Variants in ACAD10 observed in about 807,000 individuals in gnomAD.
The protein encoded by ACAD10 is acyl-CoA dehydrogenase family member 10, also known as ACAD-10.
A neutral mutation model predicts 116.8 loss-of-function variants in ACAD10; 112 were observed. That is an observed-to-expected ratio of 0.96 (90% confidence interval 0.82 to 1.12). The LOEUF is 1.12. Among genes scored for constraint, ACAD10 ranks in the 50% most tolerant of loss-of-function variants. ACAD10 has a pLI of 0.00. For synonymous variants in ACAD10, 486 were observed against 510.6 expected, an observed-to-expected ratio of 0.95 and a Z score of 0.65; for missense variants, 1,259 against 1,350.2, an observed-to-expected ratio of 0.93 and a Z score of 1.06.
Position 111,733,971 on chromosome 12 carries a change from C to T in ACAD10, c.1443C>T (p.Val481=), listed in dbSNP as rs1030151246. The T allele has an allele frequency of 1.2e-6, 2 of 1,614,112 alleles. No individual in the cohort carries two copies. The highest frequency in any genetic ancestry group is 1.7e-6 in the Non-Finnish European group (2 of 1,180,048). The change falls in exon 11 of 21, where the codon GTC becomes GTT. Residue 481 remains valine (V), a synonymous_variant. Transcript: ENST00000313698. ...CAGAAGAGCCAGAGGTGCTTGCTGT[C>T]CTTGACTGGGAACTTTCTACCTTGG... ...FHPEEPEVLA[V]LDWELSTLGD...
chr12:111,702,682 G>A (rs1336869487), intron 3 of ACAD10, among the ~76,000 whole-genome samples: 2 of 152,006 alleles, frequency 1.3e-5, no homozygotes, highest in African/African-American at 4.8e-5. Flanking sequence ...AGTGAGCTGA[G>A]ATCATGCCAT....
In ACAD10 at chr12:111,736,804, C is replaced by T. The variant is rs759579913; in HGVS notation, c.1541-27C>T. 6.0e-5 allele frequency: 96 copies of T among 1,602,112 alleles called. 1 individual carries two copies. The Middle Eastern group carries it at 8.5e-4, about 14-fold the overall frequency. On this transcript the variant is annotated intron_variant, in intron 11 of 20. Coordinates refer to ENST00000313698, the MANE Select transcript of ACAD10 (RefSeq NM_025247.6). ...AGGGGCGTGTCACGTCAGTGACTAC[C>T]CATGAATGGCTCTGTCTTTCTCGCA...
intron 6 of ACAD10, among the ~76,000 whole-genome samples, chr12:111,715,118 T>A (rs1464992037): frequency 2.0e-5 from 3 of 152,236 alleles, no homozygotes; most frequent in Non-Finnish European, 2.9e-5. Flanking sequence ...AATTGGATTA[T>A]TGGTAGTGGC....
At position 111,745,015 on chromosome 12, in the gene ACAD10, G is replaced by T. The variant is rs372387137; in HGVS notation, c.2087G>T (p.Ser696Ile). The T allele has an allele frequency of 1.9e-6, 3 of 1,613,794 alleles. No homozygotes were observed. Among genetic ancestry groups the T allele is most frequent in the Non-Finnish European group, 2.5e-6 (3 of 1,180,012 alleles). ...CACCAGGCCTCAGCAGCCAGGTGGAGCCCCTCCCCACTGATCGAAGACCTC... is the reference window on the plus strand; with the variant it reads ...CACCAGGCCTCAGCAGCCAGGTGGATCCCCTCCCCACTGATCGAAGACCTC... ...QSHQASAARW[S>I]PSPLIEDLKE... is the part of the protein sequence containing the mutation. Residue 696 changes from serine (S) to isoleucine (I), a missense_variant, in exon 13 of 21, where the codon AGC becomes ATC. Physicochemically the swap from Ser to Ile is moderately radical, Grantham distance 142 (BLOSUM62 -2). Transcript: ENST00000313698.
intron 2 of ACAD10, among the ~76,000 whole-genome samples, chr12:111,693,318 C>T (rs986623451): frequency 1.2e-4 from 18 of 152,214 alleles, no homozygotes; most frequent in East Asian, 1.9e-4. Flanking sequence ...GTGAGAGGGT[C>T]GTTTGAGCCC....
intron 12 of ACAD10, among the ~76,000 whole-genome samples, chr12:111,738,084 T>C (rs984024594): frequency 2.6e-4 from 39 of 152,086 alleles, no homozygotes; most frequent in Non-Finnish European, 4.1e-4. Context: ...TTCGAACTCC[T>C]GACCTCAGAT....
At chr12:111,692,991 G>C (rs561155754) in intron 2 of ACAD10, 95 bp downstream of exon 2, 1 of 1,407,852 alleles carries the variant, frequency 7.1e-7, no homozygotes, top group East Asian at 2.3e-5. Flanking sequence ...TTGGGCAGCA[G>C]TGTGTCCCAG....
At chr12:111,700,017 A>G (rs1268777346) in intron 2 of ACAD10, among the ~76,000 whole-genome samples, 2 of 152,218 alleles carry the variant, frequency 1.3e-5, no homozygotes, top group African/African-American at 4.8e-5. Context: ...AATAATAGAC[A>G]ATAGTAAACA....
At chr12:111,718,387 A>G (rs191242872) in intron 7 of ACAD10, among the ~76,000 whole-genome samples, 29 of 151,794 alleles carry the variant, frequency 1.9e-4, no homozygotes, top group Non-Finnish European at 2.8e-4. Context: ...GTATTAACTG[A>G]TAATTTGTAT....
chr12:111,700,735 C>CTTCCTTCCTTCCTTCCTTCCTTCA, intron 2 of ACAD10, among the ~76,000 whole-genome samples: 1 of 146,192 alleles, frequency 6.8e-6, no homozygotes, highest in African/African-American at 2.5e-5. Context: ...TCCTTCCTTC[C>CTTCCTTCCTTCCTTCCTTCCTTCA]TTCCTTCCTC....
intron 16 of ACAD10, among the ~76,000 whole-genome samples, chr12:111,747,886 G>A (rs953064271): frequency 2.0e-5 from 3 of 152,106 alleles, no homozygotes; most frequent in South Asian, 2.1e-4. Flanking sequence ...GGAGGAAACC[G>A]CACTCAGACT....
intron 16 of ACAD10, chr12:111,747,784 C>G: frequency 9.7e-7 from 1 of 1,027,580 alleles, no homozygotes; most frequent in Admixed American, 5.1e-5. Flanking sequence ...TCCAGTGTTA[C>G]TTTTGCAGGG....
chr12:111,755,142 G>A (rs1890173989), intron 19 of ACAD10, among the ~76,000 whole-genome samples: 1 of 152,270 alleles, frequency 6.6e-6, no homozygotes, highest in Non-Finnish European at 1.5e-5. Flanking sequence ...TCACTCGGTG[G>A]CCCAGGCTGG....
At position 111,746,258 on chromosome 12, in the gene ACAD10, A is replaced by T; in HGVS notation, c.2230A>T (p.Met744Leu). The change falls in exon 14 of 21, where the codon ATG (methionine) becomes TTG (leucine). Residue 744 changes from methionine to leucine, a missense_variant. Coordinates refer to ENST00000313698, the MANE Select transcript of ACAD10 (RefSeq NM_025247.6). Reference sequence around the variant, plus strand: ...GGAATATGCACATCTGTGTGAGCTCATGGGCACGTCCCTGTATGCCCCCGA... The same window carrying T: ...GGAATATGCACATCTGTGTGAGCTCTTGGGCACGTCCCTGTATGCCCCCGA... ...NVEYAHLCEL[M>L]GTSLYAPEVC... 1 of 1,613,630 alleles carries T rather than the reference A, an allele frequency of 6.2e-7. No individual in the cohort carries two copies. The highest frequency in any genetic ancestry group is 1.1e-5 in the South Asian group (1 of 90,972).
intron 2 of ACAD10, among the ~76,000 whole-genome samples, chr12:111,693,458 A>G (rs1888112310): frequency 6.6e-6 from 1 of 152,126 alleles, no homozygotes; most frequent in Non-Finnish European, 1.5e-5. Flanking sequence ...GGATCACATG[A>G]ATCCAGGTGG....
chr12:111,744,729 G>C lies in ACAD10; in HGVS notation c.1801G>C (p.Gly601Arg). 6.2e-7 allele frequency: 1 copy of C among 1,614,230 alleles called. No individual in the cohort carries two copies. Among genetic ancestry groups the C allele is most frequent in the East Asian group, 2.2e-5 (1 of 44,886 alleles). The change falls in exon 13 of 21, where the codon GGG becomes CGG. Residue 601 changes from glycine (G) to arginine (R), a missense_variant. By Grantham distance (125) the Gly-to-Arg change is moderately radical (BLOSUM62 -2). Coordinates refer to ENST00000313698, the MANE Select transcript of ACAD10 (RefSeq NM_025247.6). The part of the protein sequence containing the change: ...NLAWDFAVKE[G>R]FRVFKEMPFT... ...GGCGTGGGATTTCGCAGTCAAAGAA[G>C]GGTTCCGGGTTTTCAAAGAGATGCC...
intron 9 of ACAD10, among the ~76,000 whole-genome samples, chr12:111,728,367 C>A (rs1889285426): frequency 6.6e-6 from 1 of 152,034 alleles, no homozygotes; most frequent in African/African-American, 2.4e-5. Flanking sequence ...TTCTTCCCTG[C>A]AACTTTTTTT....
At chr12:111,723,683 G>A (rs1468499622) in intron 8 of ACAD10, among the ~76,000 whole-genome samples, 1 of 107,398 alleles carries the variant, frequency 9.3e-6, no homozygotes. Flanking sequence ...GCGGGGGGCT[G>A]ACCCCCCCCC....
chr12:111,744,103 A>G (rs566733530), intron 12 of ACAD10, among the ~76,000 whole-genome samples: 152 of 152,230 alleles, frequency 1.0e-3, no homozygotes, highest in African/African-American at 3.6e-3. Context: ...CTTGATGCAC[A>G]TTTTACAAGA....
Sources: gnomAD v4.1 joint callset for allele counts (sites outside exome capture counted in the v4.1 genomes callset) on GRCh38, gnomAD v4.1.1 for gene constraint, MANE v1.5 for transcripts, NCBI Gene and HGNC (gene_info 2026-07-23, HGNC 2026-07-21) for gene names.